Variants in DMD observed in about 807,000 individuals in gnomAD.
DMD encodes mutant dystrophin.
In DMD, 63 loss-of-function variants were observed where a neutral mutation model predicts 330.1. The observed-to-expected ratio is 0.19, with a 90% CI of 0.16 to 0.24. DMD has a LOEUF of 0.24. Among genes scored for constraint, DMD ranks in the 10% least tolerant of loss-of-function variants. The pLI is 1.00. For synonymous variants in DMD, 1,223 were observed against 959.8 expected (o/e 1.27, Z -5.07); for missense variants, 3,344 against 2,684.1 (o/e 1.25, Z -5.43).
intron 7 of DMD, among the ~76,000 whole-genome samples, chrX:32,753,859 C>T (rs5972659): frequency 0.052 from 5,826 of 111,424 alleles, 377 homozygotes; most frequent in African/African-American, 0.18. Flanking sequence ...AAGTTGACCA[C>T]ATGGTTGGTG....
intron 55 of DMD, among the ~76,000 whole-genome samples, chrX:31,535,705 C>A (rs1217382042): frequency 1.8e-5 from 2 of 111,920 alleles, no homozygotes; most frequent in East Asian, 5.6e-4. Flanking sequence ...CTCCAATCTT[C>A]CAAGTTACAG....
At chrX:33,128,318 G>A (rs755750850) in intron 1 of DMD, 1 of 1,033,279 alleles carries the variant, frequency 9.7e-7, no homozygotes, top group Non-Finnish European at 1.2e-6. Flanking sequence ...CAGAATCTCT[G>A]ACCAGCCTCA....
chrX:32,001,547 A>AC (rs1232824339), intron 44 of DMD, among the ~76,000 whole-genome samples: 1 of 109,713 alleles, frequency 9.1e-6, no homozygotes, highest in Non-Finnish European at 1.9e-5. Flanking sequence ...TCTCACCCCC[A>AC]CCCCACTGAT....
Position 32,743,097 on chromosome X carries a change from C to A in DMD, c.650-43804G>T, listed in dbSNP as rs143639388. 3.9e-3 allele frequency among the ~76,000 whole-genome samples: 430 copies of A among 111,370 alleles called. 1 individual carries two copies. The highest frequency in any genetic ancestry group is 0.014 in the African/African-American group (420 of 30,617). The stretch of plus-strand genomic sequence containing the variant: ...CCTGCATCTCTTTGCCTACTGGAGT[C>A]TGTTCTTCCGGAGTGCATGCAATAG... On this transcript the variant is annotated intron_variant, in intron 7 of 78. Transcript: ENST00000357033.
chrX:32,141,271 C>CAA (rs35628041), intron 44 of DMD, among the ~76,000 whole-genome samples: 13,376 of 96,902 alleles, frequency 0.14, 1,194 homozygotes, highest in African/African-American at 0.28. Context: ...ACTAAAAATA[C>CAA]AAAAAAAAAA....
chrX:33,253,700 C>A (rs1035844364), intron 1 of DMD, among the ~76,000 whole-genome samples: 1 of 110,824 alleles, frequency 9.0e-6, no homozygotes, highest in Non-Finnish European at 1.9e-5. Flanking sequence ...GATGGCCTCT[C>A]GATATTTTAC....
chrX:32,868,753 C>A (rs1334066266), intron 2 of DMD, among the ~76,000 whole-genome samples: 3 of 112,644 alleles, frequency 2.7e-5, no homozygotes, highest in African/African-American at 9.7e-5. Flanking sequence ...TCCGATTCCC[C>A]TGGACCTGAG....
In DMD at chrX:33,255,670, A is replaced by G. The variant is rs149819130; in HGVS notation, c.7+83589T>C. Among the ~76,000 whole-genome samples the G allele has an allele frequency of 1.0e-3, 114 of 111,208 alleles. No homozygotes were observed. The East Asian group carries it at 0.031, about 30-fold the overall frequency. ...GTTTCCCCAGATTTCATATCTGTAAACAGACTAGATGATCTCTCAAAAGAA... is the reference window on the plus strand; with the variant it reads ...GTTTCCCCAGATTTCATATCTGTAAGCAGACTAGATGATCTCTCAAAAGAA... On this transcript the variant is annotated intron_variant, in intron 1 of 17. Transcript: ENST00000288447.
At chrX:32,935,168 C>T (rs1237989483) in intron 2 of DMD, among the ~76,000 whole-genome samples, 2 of 112,783 alleles carry the variant, frequency 1.8e-5, no homozygotes, top group African/African-American at 6.4e-5. Context: ...TTAGTAGAGA[C>T]GGGGTTTCAC....
intron 71 of DMD, among the ~76,000 whole-genome samples, chrX:31,176,875 A>G (rs1393752423): frequency 8.9e-6 from 1 of 111,847 alleles, no homozygotes; most frequent in Non-Finnish European, 1.9e-5. Flanking sequence ...CCTATTAAAG[A>G]CTGAAAATAA....
intron 2 of DMD, among the ~76,000 whole-genome samples, chrX:32,936,300 G>A (rs1736043428): frequency 9.0e-6 from 1 of 110,753 alleles, no homozygotes; most frequent in African/African-American, 3.3e-5. Context: ...TAGTAGAGAT[G>A]GGCTTTTTCC....
intron 1 of DMD, among the ~76,000 whole-genome samples, chrX:33,109,061 T>C (rs1224276735): frequency 9.1e-6 from 1 of 109,546 alleles, no homozygotes; most frequent in Admixed American, 1.0e-4. Context: ...GACCACATTT[T>C]AATGTGTTAC....
chrX:32,584,911 T>G (rs1456130091), intron 13 of DMD, among the ~76,000 whole-genome samples: 1 of 111,648 alleles, frequency 9.0e-6, no homozygotes, highest in Non-Finnish European at 1.9e-5. Context: ...TGCTTGATAC[T>G]TCAATTTAAA....
intron 55 of DMD, among the ~76,000 whole-genome samples, chrX:31,573,367 T>C (rs991988738): frequency 1.1e-4 from 12 of 112,000 alleles, no homozygotes; most frequent in African/African-American, 3.9e-4. Context: ...TTGGCAATCC[T>C]ATATGGCTCA....
intron 47 of DMD, among the ~76,000 whole-genome samples, chrX:31,918,903 C>T (rs1351053225): frequency 8.9e-6 from 1 of 112,034 alleles, no homozygotes; most frequent in Non-Finnish European, 1.9e-5. Flanking sequence ...TCCCAAAGTG[C>T]TGGGATTACA....
At chrX:32,096,613 T>A (rs1171792501) in intron 44 of DMD, among the ~76,000 whole-genome samples, 3 of 109,820 alleles carry the variant, frequency 2.7e-5, no homozygotes, top group East Asian at 2.9e-4. Flanking sequence ...GTGACGGGCC[T>A]GAGCATAACA....
At chrX:31,882,305 T>A (rs1231457679) in intron 47 of DMD, among the ~76,000 whole-genome samples, 1 of 111,913 alleles carries the variant, frequency 8.9e-6, no homozygotes, top group African/African-American at 3.2e-5. Context: ...AAAAGGATGA[T>A]CTTTTCAGTA....
chrX:32,944,987 C>G (rs1022678), intron 2 of DMD, among the ~76,000 whole-genome samples: 1 of 110,954 alleles, frequency 9.0e-6, no homozygotes, highest in Non-Finnish European at 1.9e-5. Context: ...TCTATTAATC[C>G]TCATCTATAT....
chrX:33,059,494 A>G (rs1009490314), intron 1 of DMD, among the ~76,000 whole-genome samples: 2 of 110,983 alleles, frequency 1.8e-5, no homozygotes, highest in African/African-American at 6.6e-5. Context: ...CAAATGAATA[A>G]TCTTTTGCTA....
Sources: allele counts gnomAD v4.1 joint callset (sites outside exome capture counted in the v4.1 genomes callset), GRCh38; gene constraint gnomAD v4.1.1; transcripts MANE v1.5; gene names NCBI Gene and HGNC (gene_info 2026-07-23, HGNC 2026-07-21).